The following PMS1 variants were observed in gnomAD, a reference collection of about 807,000 sequenced individuals.
PMS1 encodes the protein PMS1 homolog 1, mismatch repair system component, also known as PMS1 protein homolog 1.
PMS1 carries 79 observed loss-of-function variants against 93.1 expected under a neutral mutation model. The observed-to-expected ratio is 0.85, with a 90% confidence interval of 0.71 to 1.02. PMS1 has a LOEUF of 1.02. PMS1 is among the 50% of genes least tolerant of loss of function. The pLI, the probability that PMS1 is intolerant of heterozygous loss-of-function variation, is 0.00. For synonymous variants in PMS1, 335 were observed against 363.4 expected (o/e 0.92, Z 0.89); for missense variants, 1,064 against 1,085.3 (o/e 0.98, Z 0.28).
chr2:189,855,769 A>T, intron 9 of PMS1: 1 of 369,158 alleles, frequency 2.7e-6, no homozygotes, highest in Non-Finnish European at 4.6e-6. Flanking sequence ...GCCATATTTA[A>T]ATTAGATTTT....
chr2:189,845,179 T>C (rs1444355817), intron 6 of PMS1, among the ~76,000 whole-genome samples: 1 of 152,164 alleles, frequency 6.6e-6, no homozygotes, highest in Non-Finnish European at 1.5e-5. Flanking sequence ...TATGTAGCCA[T>C]TTTTTAAGTC....
intron 4 of PMS1, among the ~76,000 whole-genome samples, chr2:189,810,750 A>G (rs1334420023): frequency 6.6e-6 from 1 of 152,224 alleles, no homozygotes; most frequent in East Asian, 1.9e-4. Flanking sequence ...GGTTCAACTC[A>G]GATAAACTCC....
chr2:189,810,417 A>T (rs2050735503), intron 4 of PMS1, among the ~76,000 whole-genome samples: 1 of 152,246 alleles, frequency 6.6e-6, no homozygotes, highest in African/African-American at 2.4e-5. Context: ...GGCCATTTGC[A>T]TCCCTGGGAG....
intron 5 of PMS1, among the ~76,000 whole-genome samples, chr2:189,837,822 A>G (rs575354521): frequency 6.6e-6 from 1 of 152,374 alleles, no homozygotes; most frequent in African/African-American, 2.4e-5. Context: ...ATTCAAATGT[A>G]TTATCTACAA....
At position 189,852,686 on chromosome 2, in the gene PMS1, A is replaced by T. The variant is rs772593735; in HGVS notation, c.731A>T (p.Asp244Val). Residue 244 changes from aspartate to valine, a missense_variant, in exon 7 of 13, where the codon GAT (aspartate) becomes GTT (valine). Coordinates refer to ENST00000441310, the MANE Select transcript of PMS1 (RefSeq NM_000534.5). ...CTCAGTGGATTTCTTCCAAAGTGTGATGCAGACCACTCTTTCACTAGTCTT... is the reference window on the plus strand; with the variant it reads ...CTCAGTGGATTTCTTCCAAAGTGTGTTGCAGACCACTCTTTCACTAGTCTT... ...IYLSGFLPKC[D>V]ADHSFTSLST... 4 of 1,596,184 alleles carry T rather than the reference A, an allele frequency of 2.5e-6. No homozygotes were observed. In the South Asian group the frequency reaches 4.4e-5, roughly 18 times the overall value.
chr2:189,784,451 G>A lies in PMS1; in HGVS notation c.-163G>A, dbSNP rs1360876804. The A allele has an allele frequency of 6.6e-6, 1 of 152,422 alleles. No individual in the cohort carries two copies. The highest frequency in any genetic ancestry group is 1.9e-4 in the East Asian group (1 of 5,198). 9.4% of individuals were successfully genotyped at this position (152,422 alleles called of 1,614,324 possible). On this transcript the variant is annotated 5_prime_UTR_variant, in exon 1 of 13. The change creates a new upstream start codon in the 5' untranslated region. Transcript: ENST00000441310. ...TTGCCCCCGGGCGAGGCGGGACTCA[G>A]TGCCGCGCTCTCTGCACCCGCTCTG...
chr2:189,794,822 TATG>T (rs1188484144), intron 2 of PMS1, among the ~76,000 whole-genome samples: 1 of 152,156 alleles, frequency 6.6e-6, no homozygotes, highest in Non-Finnish European at 1.5e-5. Context: ...TTTCATCTGA[TATG>T]ATGGCTCACA....
chr2:189,816,898 A>G (rs1023789165), intron 4 of PMS1, among the ~76,000 whole-genome samples: 26 of 152,338 alleles, frequency 1.7e-4, no homozygotes, highest in Non-Finnish European at 2.6e-4. Context: ...ATGTCATGAC[A>G]TAATATTTAT....
At position 189,863,873 on chromosome 2, in the gene PMS1, G is replaced by A. The variant is rs980723067; in HGVS notation, c.1987G>A (p.Ala663Thr). The change falls in exon 10 of 13, where the codon GCC (alanine) becomes ACC (threonine). Residue 663 changes from alanine (A) to threonine (T), a missense_variant. Ala to Thr is a moderately conservative substitution (Grantham distance 58). Transcript: ENST00000441310. ...KIKPTSAWNL[A>T]QKHKLKTSLS... ...AAAACCCACCAGCGCATGGAATTTG[G>A]CCCAGAAGCACAAGTTAAAAACCTC... 4 of 1,613,972 alleles carry A rather than the reference G, an allele frequency of 2.5e-6. No individual in the cohort carries two copies. In the Admixed American group the frequency reaches 5.0e-5, roughly 20 times the overall value.
intron 5 of PMS1, among the ~76,000 whole-genome samples, chr2:189,819,395 C>A (rs1190318530): frequency 6.6e-6 from 1 of 152,034 alleles, no homozygotes; most frequent in Non-Finnish European, 1.5e-5. Context: ...GGGTAGATAC[C>A]CAGTAGGGAG....
chr2:189,855,138 C>T lies in PMS1; in HGVS notation c.1856+10C>T. ...AAGAGGAAAAACTGAAGTAAGTTTC[C>T]AGAGCTTGCATGTGACTTGAATGTT... On this transcript the variant is annotated intron_variant, in intron 9 of 12. Transcript: ENST00000441310. 1 of 1,609,046 alleles carries T rather than the reference C, an allele frequency of 6.2e-7. No individual in the cohort carries two copies. Among genetic ancestry groups the T allele is most frequent in the African/African-American group, 1.3e-5 (1 of 74,904 alleles).
At chr2:189,858,004 T>C (rs892827038) in intron 9 of PMS1, among the ~76,000 whole-genome samples, 1 of 151,998 alleles carries the variant, frequency 6.6e-6, no homozygotes, top group Non-Finnish European at 1.5e-5. Flanking sequence ...AGGGAGTATG[T>C]GTAAAGAAAG....
rs1328283087 is a variant in PMS1, at chr2:189,854,221, G to A, written c.967-18G>A. 2.6e-6 allele frequency: 4 copies of A among 1,559,640 alleles called. No individual in the cohort carries two copies. The highest frequency in any genetic ancestry group is 2.6e-6 in the Non-Finnish European group (3 of 1,145,814). On this transcript the variant is annotated intron_variant, in intron 8 of 12. Coordinates refer to ENST00000441310, the MANE Select transcript of PMS1 (RefSeq NM_000534.5). ...ATTTTCATAATTTCCCCTAACATTT[G>A]TTAATTTGTATTTTTAGGAATCTGT...
chr2:189,816,888 ATGTCAT>A (rs1348082203), intron 4 of PMS1, among the ~76,000 whole-genome samples: 1 of 151,838 alleles, frequency 6.6e-6, no homozygotes, highest in Non-Finnish European at 1.5e-5. Flanking sequence ...TCAAAACAAA[ATGTCAT>A]GACATAATAT....
chr2:189,829,590 A>G (rs1559268658), intron 5 of PMS1, among the ~76,000 whole-genome samples: 1 of 152,172 alleles, frequency 6.6e-6, no homozygotes, highest in Non-Finnish European at 1.5e-5. Flanking sequence ...GATTAAATCC[A>G]TCTGGTCATC....
Position 189,854,439 on chromosome 2 carries a change from A to G in PMS1, c.1167A>G (p.Pro389=), listed in dbSNP as rs761838436. 2 of 1,610,360 alleles carry G rather than the reference A, an allele frequency of 1.2e-6. No homozygotes were observed. Among genetic ancestry groups the G allele is most frequent in the South Asian group, 2.2e-5 (2 of 90,700 alleles). The part of the protein sequence containing the change: ...NYSNVDTSVI[P]FQNDMHNDES... ...CAAATGTTGATACTTCAGTCATTCCATTCCAAAATGATATGCATAATGATG... is the reference window on the plus strand; with the variant it reads ...CAAATGTTGATACTTCAGTCATTCCGTTCCAAAATGATATGCATAATGATG... Residue 389 remains proline (P), a synonymous_variant, in exon 9 of 13, where the codon CCA becomes CCG. Coordinates refer to ENST00000441310, the MANE Select transcript of PMS1 (RefSeq NM_000534.5).
intron 3 of PMS1, among the ~76,000 whole-genome samples, chr2:189,802,390 T>G (rs2049970934): frequency 6.6e-6 from 1 of 152,168 alleles, no homozygotes; most frequent in African/African-American, 2.4e-5. Flanking sequence ...AGAAAATAAA[T>G]ATGTTTGCTA....
intron 1 of PMS1, among the ~76,000 whole-genome samples, chr2:189,788,798 C>T (rs527496665): frequency 1.1e-4 from 16 of 152,138 alleles, no homozygotes; most frequent in Non-Finnish European, 2.4e-4. Context: ...TCAATTTGGA[C>T]TACCCACGTT....
Position 189,857,684 on chromosome 2 carries a change from A to T in PMS1, c.1856+2556A>T, listed in dbSNP as rs182471538. Among the ~76,000 whole-genome samples, 4 of 151,886 alleles carry T rather than the reference A, an allele frequency of 2.6e-5. No homozygotes were observed. The East Asian group carries it at 7.7e-4, about 29-fold the overall frequency. ...GTTTTCTGCATATAAGGCCTGAGGT[A>T]CTCTAGCTAGTCACAGATAAAACAT... On this transcript the variant is annotated intron_variant, in intron 9 of 12. Transcript: ENST00000441310.
Sources: gnomAD v4.1 joint callset for allele counts (sites outside exome capture counted in the v4.1 genomes callset) on GRCh38, gnomAD v4.1.1 for gene constraint, MANE v1.5 for transcripts, NCBI Gene and HGNC (gene_info 2026-07-23, HGNC 2026-07-21) for gene names.